ZNF385D: variants seen among roughly 807,000 people sequenced by gnomAD.
The protein encoded by ZNF385D is zinc finger protein 385D.
ZNF385D carries 15 observed loss-of-function variants against 35.8 expected under a neutral mutation model. The observed-to-expected ratio is 0.42, with a 90% confidence interval of 0.28 to 0.64. The LOEUF (loss-of-function observed/expected upper bound fraction) is 0.64. ZNF385D is among the 30% of genes least tolerant of loss of function. The pLI, the probability that ZNF385D is intolerant of heterozygous loss-of-function variation, is 0.23. For synonymous variants in ZNF385D, 212 were observed against 186.8 expected, an observed-to-expected ratio of 1.13 and a Z score of -1.10; for missense variants, 474 against 494.6, an observed-to-expected ratio of 0.96 and a Z score of 0.39.
intron 3 of ZNF385D, among the ~76,000 whole-genome samples, chr3:21,989,652 C>A (rs1318166335): frequency 6.6e-6 from 1 of 150,604 alleles, no homozygotes; most frequent in East Asian, 1.9e-4. Context: ...GTTCTTATGA[C>A]ATCATGTTTT....
At chr3:21,755,549 T>C (rs1279340205), upstream of ZNF385D, among the ~76,000 whole-genome samples, 4 of 152,212 alleles carry the variant, frequency 2.6e-5, no homozygotes, top group Admixed American at 1.3e-4. Flanking sequence ...TTAAATATTA[T>C]GTCTTCTGAG....
intron 4 of ZNF385D, among the ~76,000 whole-genome samples, chr3:21,463,629 A>G (rs944945131): frequency 1.3e-5 from 2 of 152,108 alleles, no homozygotes; most frequent in African/African-American, 4.8e-5. Flanking sequence ...CTCTCACCCA[A>G]GGCTCCAAGG....
chr3:22,275,693 A>G (rs1575013219), intron 2 of ZNF385D, among the ~76,000 whole-genome samples: 1 of 152,304 alleles, frequency 6.6e-6, no homozygotes, highest in Non-Finnish European at 1.5e-5. Flanking sequence ...ATGACAGAAA[A>G]GCCATATCCT....
At chr3:21,990,459 G>A (rs1695087731) in intron 3 of ZNF385D, among the ~76,000 whole-genome samples, 1 of 152,096 alleles carries the variant, frequency 6.6e-6, no homozygotes, top group South Asian at 2.1e-4. Flanking sequence ...AGGGTGATAA[G>A]GTTAGAAAAG....
chr3:22,146,199 T>C (rs78485256), intron 3 of ZNF385D, among the ~76,000 whole-genome samples: 6,851 of 152,282 alleles, frequency 0.045, 500 homozygotes, highest in African/African-American at 0.15. Flanking sequence ...CAAAGTTTCA[T>C]TTGTACTTAT....
intron 5 of ZNF385D, among the ~76,000 whole-genome samples, chr3:21,430,681 G>A (rs1312992071): frequency 1.3e-5 from 2 of 152,052 alleles, no homozygotes; most frequent in East Asian, 1.9e-4. Context: ...GCTCTACCCC[G>A]CTTCTCTAGA....
chr3:21,519,087 A>G (rs1268008753), intron 3 of ZNF385D, among the ~76,000 whole-genome samples: 1 of 152,114 alleles, frequency 6.6e-6, no homozygotes, highest in Non-Finnish European at 1.5e-5. Flanking sequence ...GTACTCTTCA[A>G]TACAGAAATG....
At chr3:22,184,537 C>G (rs1233291541) in intron 2 of ZNF385D, among the ~76,000 whole-genome samples, 3 of 151,962 alleles carry the variant, frequency 2.0e-5, no homozygotes, top group Non-Finnish European at 2.9e-5. Context: ...CAAGGATAGA[C>G]AAACGGGGCC....
chr3:21,969,819 C>A (rs999035360), intron 3 of ZNF385D, among the ~76,000 whole-genome samples: 20 of 152,094 alleles, frequency 1.3e-4, no homozygotes, highest in Admixed American at 4.6e-4. Flanking sequence ...TTCAGGGGTG[C>A]CTGTGTCACC....
chr3:22,220,390 A>G (rs1698180791), intron 2 of ZNF385D, among the ~76,000 whole-genome samples: 1 of 151,678 alleles, frequency 6.6e-6, no homozygotes, highest in Non-Finnish European at 1.5e-5. Context: ...CTCTGACTCT[A>G]ATTTCTCCAA....
At chr3:21,854,781 C>T (rs1255166442) in intron 3 of ZNF385D, among the ~76,000 whole-genome samples, 1 of 151,822 alleles carries the variant, frequency 6.6e-6, no homozygotes, top group Non-Finnish European at 1.5e-5. Flanking sequence ...TATTTGTTGA[C>T]TGATAGATTA....
chr3:22,141,759 G>C (rs1245606893), intron 3 of ZNF385D, among the ~76,000 whole-genome samples: 3 of 152,080 alleles, frequency 2.0e-5, no homozygotes, highest in Non-Finnish European at 2.9e-5. Flanking sequence ...TGTTATCTCT[G>C]AATTTACAGT....
intron 3 of ZNF385D, among the ~76,000 whole-genome samples, chr3:22,093,317 G>A (rs1040579892): frequency 5.3e-5 from 8 of 151,654 alleles, no homozygotes; most frequent in African/African-American, 1.9e-4. Flanking sequence ...CATTGACCTA[G>A]ACATTTAACT....
At chr3:21,734,343 T>A (rs868731036) in intron 1 of ZNF385D, among the ~76,000 whole-genome samples, 1 of 144,386 alleles carries the variant, frequency 6.9e-6, no homozygotes, top group East Asian at 2.1e-4. Context: ...AATAATTACT[T>A]TTTGTAAAGA....
At chr3:22,329,903 T>C (rs1275827766) in intron 2 of ZNF385D, among the ~76,000 whole-genome samples, 2 of 152,234 alleles carry the variant, frequency 1.3e-5, no homozygotes, top group East Asian at 1.9e-4. Context: ...TTTACACTTA[T>C]CGCACATCTC....
chr3:22,213,117 G>C (rs1177528631), intron 2 of ZNF385D, among the ~76,000 whole-genome samples: 1 of 151,896 alleles, frequency 6.6e-6, no homozygotes, highest in Non-Finnish European at 1.5e-5. Context: ...TTTTTTCAAA[G>C]AACAGACATA....
At chr3:22,316,700 C>A (rs942830162) in intron 2 of ZNF385D, among the ~76,000 whole-genome samples, 29 of 152,098 alleles carry the variant, frequency 1.9e-4, no homozygotes, top group Non-Finnish European at 3.4e-4. Flanking sequence ...TAGTATTTAC[C>A]ATACAGAGTT....
chr3:22,152,640 C>G (rs1379520365), intron 3 of ZNF385D, among the ~76,000 whole-genome samples: 1 of 152,270 alleles, frequency 6.6e-6, no homozygotes, highest in East Asian at 1.9e-4. Flanking sequence ...CTTTCTCTCT[C>G]TGACCTTCCT....
chr3:21,622,113 T>C (rs1318037898), intron 2 of ZNF385D, among the ~76,000 whole-genome samples: 1 of 152,122 alleles, frequency 6.6e-6, no homozygotes, highest in Non-Finnish European at 1.5e-5. Flanking sequence ...CATTTTTTAA[T>C]GCACTCAAAT....
Sources: gnomAD v4.1 joint callset for allele counts (sites outside exome capture counted in the v4.1 genomes callset) on GRCh38, gnomAD v4.1.1 for gene constraint, MANE v1.5 for transcripts, NCBI Gene and HGNC (gene_info 2026-07-23, HGNC 2026-07-21) for gene names.